CSPP1: variants seen among roughly 807,000 people sequenced by gnomAD.
The protein encoded by CSPP1 is centrosome and spindle pole associated protein 1, also known as centrosome and spindle pole-associated protein 1.
In CSPP1, 126 loss-of-function variants were observed where a neutral mutation model predicts 164.4. The observed-to-expected ratio is 0.77, with a 90% CI of 0.66 to 0.89. The LOEUF (loss-of-function observed/expected upper bound fraction) is 0.89, where lower values mean the gene tolerates loss of function less well. Ranked by LOEUF, CSPP1 falls within the 40% of genes least tolerant of loss-of-function variation. The probability of loss-of-function intolerance (pLI) is 0.00; values close to 1 mark genes in which losing one functional copy is unlikely to be tolerated. For missense variants in CSPP1, 1,395 were observed against 1,449.8 expected, an observed-to-expected ratio of 0.96 and a Z score of 0.61; for synonymous variants, 472 against 476.7, an observed-to-expected ratio of 0.99 and a Z score of 0.13.
At chr8:67,153,288 G>A (rs1826052921) in intron 18 of CSPP1, among the ~76,000 whole-genome samples, 1 of 152,038 alleles carries the variant, frequency 6.6e-6, no homozygotes, top group Non-Finnish European at 1.5e-5. Context: ...AGTTATGTGA[G>A]GCTTAAATTT....
intron 3 of CSPP1, among the ~76,000 whole-genome samples, chr8:67,085,561 T>C (rs1810219509): frequency 6.6e-6 from 1 of 152,076 alleles, no homozygotes; most frequent in Non-Finnish European, 1.5e-5. Flanking sequence ...TATAATTAAG[T>C]GAAGATGTAA....
chr8:67,085,126 CAG>C (rs1308789335), intron 3 of CSPP1, among the ~76,000 whole-genome samples: 4 of 152,000 alleles, frequency 2.6e-5, no homozygotes, highest in African/African-American at 9.7e-5. Context: ...CATCCATTTA[CAG>C]AGTTTCTGTT....
At chr8:67,099,216 T>C (rs1813516951) in intron 7 of CSPP1, 1 of 152,098 alleles carries the variant, frequency 6.6e-6, no homozygotes, top group East Asian at 1.9e-4. Context: ...AAGTTATGAG[T>C]TCTGTCCCTT....
rs1189289587 is a variant in CSPP1 at position 67,137,467 on chromosome 8, AGAAGAAAGAAG to A, written c.1850_1860del (p.Arg617ThrfsTer2). The A allele has an allele frequency of 6.6e-6, 10 of 1,521,432 alleles. No homozygotes were observed. Among genetic ancestry groups the A allele is most frequent in the African/African-American group, 1.4e-5 (1 of 71,400 alleles). 94.2% of individuals were successfully genotyped at this position (1,521,432 alleles called of 1,614,324 possible). The stretch of plus-strand genomic sequence containing the variant: ...CTTATGTTGTCAAGATTCGGGAAAG[AGAAGAAAGAAG>A]GAAGAAAGAACGTGAAGAAAAAGAA... On this transcript the variant is annotated frameshift_variant, in exon 17 of 31. Coordinates refer to ENST00000678616, the MANE Select transcript of CSPP1 (RefSeq NM_001382391.1). LOFTEE classifies it high-confidence loss of function.
intron 5 of CSPP1, 65 bp downstream of exon 5, chr8:67,091,948 A>G (rs1811699556): frequency 2.2e-6 from 1 of 461,290 alleles, no homozygotes; most frequent in East Asian, 9.2e-5. Context: ...ATTAAAGAAC[A>G]TACTGCTGAT....
chr8:67,069,714 A>G (rs1806316057), intron 1 of CSPP1, among the ~76,000 whole-genome samples: 1 of 144,742 alleles, frequency 6.9e-6, no homozygotes, highest in Non-Finnish European at 1.5e-5. Context: ...ACTGGAGTGC[A>G]GTGGCATGAT....
At position 67,118,306 on chromosome 8, in the gene CSPP1, C is replaced by T. The variant is rs1818326433; in HGVS notation, c.1555C>T (p.Pro519Ser). 5 of 1,613,396 alleles carry T rather than the reference C, an allele frequency of 3.1e-6. No homozygotes were observed. The highest frequency in any genetic ancestry group is 4.5e-5 in the East Asian group (2 of 44,862). The change falls in exon 14 of 31, where the codon CCT (proline) becomes TCT (serine). Residue 519 changes from proline to serine, a missense_variant. By Grantham distance (74) the Pro-to-Ser change is moderately conservative. Coordinates refer to ENST00000678616, the MANE Select transcript of CSPP1 (RefSeq NM_001382391.1). ...ACCTTTGGCTACTAACTATCGAACT[C>T]CTTATGATGATGCATACTATTTTTA... ...LPPLATNYRTPYDDAYYFYGS... is the reference protein window; with the variant it reads ...LPPLATNYRTSYDDAYYFYGS...
chr8:67,079,262 T>C lies in CSPP1; in HGVS notation c.199+2681T>C, dbSNP rs115217877. 4.6e-3 allele frequency among the ~76,000 whole-genome samples: 707 copies of C among 152,302 alleles called. 9 individuals carry two copies. Among genetic ancestry groups the C allele is most frequent in the African/African-American group, 0.014 (577 of 41,568 alleles). On this transcript the variant is annotated intron_variant, in intron 3 of 30. Coordinates refer to ENST00000678616, the MANE Select transcript of CSPP1 (RefSeq NM_001382391.1). ...CTTGACCCATATGTCTGATTTTCCA[T>C]TGGACATCTGTACTTGTATGGTCAT...
intron 1 of CSPP1, chr8:67,065,687 A>G (rs770359166): frequency 4.4e-5 from 8 of 180,884 alleles, no homozygotes; most frequent in Middle Eastern, 2.7e-3. Context: ...TCTGTTGTAC[A>G]GGCTGGAGTG....
intron 15 of CSPP1, among the ~76,000 whole-genome samples, chr8:67,119,793 C>T (rs1818631877): frequency 6.6e-6 from 1 of 152,042 alleles, no homozygotes; most frequent in South Asian, 2.1e-4. Flanking sequence ...GTTATTAATT[C>T]TGTATCAGGT....
chr8:67,115,466 G>A (rs1817735265), intron 12 of CSPP1, among the ~76,000 whole-genome samples: 1 of 152,140 alleles, frequency 6.6e-6, no homozygotes, highest in South Asian at 2.1e-4. Flanking sequence ...GATCACTTGA[G>A]GCCAGGAGTT....
intron 25 of CSPP1, chr8:67,173,535 A>G (rs549575679): frequency 6.6e-6 from 1 of 152,178 alleles, no homozygotes; most frequent in East Asian, 1.9e-4. Flanking sequence ...CTATCTGTTT[A>G]TTATAGCAAA....
At chr8:67,116,732 T>C (rs1452838576) in intron 13 of CSPP1, among the ~76,000 whole-genome samples, 1 of 152,182 alleles carries the variant, frequency 6.6e-6, no homozygotes, top group Non-Finnish European at 1.5e-5. Flanking sequence ...TGATATTTTC[T>C]GGGCTATACT....
At chr8:67,144,679 T>C (rs1824141993) in intron 17 of CSPP1, among the ~76,000 whole-genome samples, 1 of 152,066 alleles carries the variant, frequency 6.6e-6, no homozygotes, top group Non-Finnish European at 1.5e-5. Context: ...ACTCCTGAGC[T>C]CAAGTGATCC....
intron 7 of CSPP1, among the ~76,000 whole-genome samples, chr8:67,102,025 T>C (rs1310602697): frequency 1.3e-5 from 2 of 152,182 alleles, no homozygotes; most frequent in Non-Finnish European, 2.9e-5. Context: ...ATAAAATCAG[T>C]GTTTGCCAAA....
intron 7 of CSPP1, among the ~76,000 whole-genome samples, chr8:67,102,021 T>C (rs1321227648): frequency 2.6e-5 from 4 of 152,184 alleles, no homozygotes; most frequent in African/African-American, 4.8e-5. Context: ...AAAAATAAAA[T>C]CAGTGTTTGC....
intron 13 of CSPP1, 32 bp from the exon 14 acceptor site, chr8:67,118,211 AATATG>A: frequency 6.2e-7 from 1 of 1,608,260 alleles, no homozygotes; most frequent in Non-Finnish European, 8.5e-7. Context: ...ATTGCAATGA[AATATG>A]AGAGGAATTT....
At position 67,196,209 on chromosome 8, in the gene CSPP1, T is replaced by C. The variant is rs1328814112; in HGVS notation, c.*616T>C. 6.6e-6 allele frequency: 1 copy of C among 152,292 alleles called. No individual in the cohort carries two copies. The highest frequency in any genetic ancestry group is 1.5e-5 in the Non-Finnish European group (1 of 68,082). The allele number at this position is 152,292 out of a possible 1,614,324, so 9.4% of individuals were successfully genotyped here. A position where few individuals can be genotyped will look rare whatever the true frequency, so the allele number is the denominator to read the frequency against. On this transcript the variant is annotated 3_prime_UTR_variant, in exon 31 of 31. Transcript: ENST00000678616. ...ATGAAGGCATTTGTCTTGTTACTAA[T>C]TACATGATGTAACTACTTCTTGATA...
intron 19 of CSPP1, chr8:67,157,496 A>G (rs975931342): frequency 6.6e-6 from 1 of 152,184 alleles, no homozygotes; most frequent in African/African-American, 2.4e-5. Flanking sequence ...GGGTTACACC[A>G]TGTTGGCCAG....
Sources: allele counts gnomAD v4.1 joint callset (sites outside exome capture counted in the v4.1 genomes callset), GRCh38; gene constraint gnomAD v4.1.1; transcripts MANE v1.5; gene names NCBI Gene and HGNC (gene_info 2026-07-23, HGNC 2026-07-21).